CRIM1: variants seen among roughly 807,000 people sequenced by gnomAD.
CRIM1 encodes the protein cysteine-rich motor neuron 1 protein.
In CRIM1, 32 loss-of-function variants were observed where a neutral mutation model predicts 116.4. The observed-to-expected ratio is 0.27, with a 90% CI of 0.21 to 0.37. The LOEUF is 0.37. Among genes scored for constraint, CRIM1 ranks in the 10% least tolerant of loss-of-function variants. The probability of loss-of-function intolerance (pLI) is 1.00; values close to 1 mark genes in which losing one functional copy is unlikely to be tolerated. For missense variants in CRIM1, 1,331 were observed against 1,354.8 expected (o/e 0.98, Z 0.28); for synonymous variants, 590 against 509.2 (o/e 1.16, Z -2.13).
At chr2:36,476,386 C>G (rs1364732364) in intron 5 of CRIM1, among the ~76,000 whole-genome samples, 1 of 152,068 alleles carries the variant, frequency 6.6e-6, no homozygotes, top group Non-Finnish European at 1.5e-5. Context: ...AAAGGCCAAA[C>G]ACTATTAAAA....
chr2:36,539,626 C>T (rs1035574640), intron 14 of CRIM1, among the ~76,000 whole-genome samples: 2 of 151,766 alleles, frequency 1.3e-5, no homozygotes, highest in East Asian at 1.9e-4. Context: ...AGAATCCGGG[C>T]GAGAGATGAC....
At chr2:36,477,586 A>G (rs1441583564) in intron 6 of CRIM1, among the ~76,000 whole-genome samples, 1 of 152,186 alleles carries the variant, frequency 6.6e-6, no homozygotes, top group East Asian at 1.9e-4. Flanking sequence ...GGTGGTTCAC[A>G]TGGGGTCGTG....
chr2:36,455,894 A>T (rs1677096965), intron 4 of CRIM1, among the ~76,000 whole-genome samples: 1 of 152,138 alleles, frequency 6.6e-6, no homozygotes, highest in South Asian at 2.1e-4. Flanking sequence ...CTCTCTGGGG[A>T]TGTGCATTCC....
intron 1 of CRIM1, among the ~76,000 whole-genome samples, chr2:36,367,031 T>G (rs1045642449): frequency 1.3e-5 from 2 of 152,218 alleles, no homozygotes; most frequent in Admixed American, 6.5e-5. Flanking sequence ...CTTTTCTCAC[T>G]TCCCATATTT....
Position 36,537,561 on chromosome 2 carries a change from A to G in CRIM1, c.2623+15A>G. The G allele has an allele frequency of 6.3e-7, 1 of 1,582,648 alleles. No individual in the cohort carries two copies. Among genetic ancestry groups the G allele is most frequent in the East Asian group, 2.3e-5 (1 of 44,284 alleles). ...AATGTGTCCAGGTATCTAAGCCACC[A>G]TCCTTCCATTTGTCAAGCTGTAATG... On this transcript the variant is annotated intron_variant, in intron 14 of 16. Transcript: ENST00000280527.
At chr2:36,411,582 A>G (rs1406936346) in intron 2 of CRIM1, among the ~76,000 whole-genome samples, 1 of 152,204 alleles carries the variant, frequency 6.6e-6, no homozygotes, top group Admixed American at 6.5e-5. Context: ...ACATGTATAT[A>G]AGCACATATA....
chr2:36,521,730 G>C (rs1376649602), intron 12 of CRIM1, among the ~76,000 whole-genome samples: 1 of 152,150 alleles, frequency 6.6e-6, no homozygotes, highest in Non-Finnish European at 1.5e-5. Context: ...CTAGATGATG[G>C]GGCCACCCTA....
chr2:36,412,682 G>T (rs900797399), intron 2 of CRIM1, among the ~76,000 whole-genome samples: 1 of 151,952 alleles, frequency 6.6e-6, no homozygotes, highest in East Asian at 1.9e-4. Flanking sequence ...TGGCCCATTT[G>T]CTATATGTTA....
chr2:36,495,116 G>A (rs374176374), intron 7 of CRIM1, among the ~76,000 whole-genome samples: 12 of 152,200 alleles, frequency 7.9e-5, no homozygotes, highest in South Asian at 6.2e-4. Context: ...CATCAGTGCC[G>A]CCAGAAATCT....
chr2:36,522,627 C>A (rs745717506), intron 13 of CRIM1, among the ~76,000 whole-genome samples: 18 of 151,808 alleles, frequency 1.2e-4, no homozygotes, highest in Non-Finnish European at 2.5e-4. Context: ...CATGATGAAA[C>A]CCCGTCTCTA....
rs570453293 is a variant in CRIM1, at chr2:36,526,617, A to G, written c.2428+4304A>G. Among the ~76,000 whole-genome samples, 4 of 152,248 alleles carry G rather than the reference A, an allele frequency of 2.6e-5. No homozygotes were observed. In the South Asian group the frequency reaches 6.2e-4, roughly 24 times the overall value. ...CCTGTGGGGATACTCATATCCCCAT[A>G]TGAGCCCTGACCACATCAACCTTGC... On this transcript the variant is annotated intron_variant, in intron 13 of 16. Transcript: ENST00000280527.
chr2:36,459,083 T>C (rs940294), intron 4 of CRIM1, among the ~76,000 whole-genome samples: 38,216 of 152,134 alleles, frequency 0.25, 4,889 homozygotes, highest in East Asian at 0.36. Flanking sequence ...ACTTGTTTTT[T>C]GCTTTTTTGT....
chr2:36,388,117 T>G (rs953112163), intron 1 of CRIM1, among the ~76,000 whole-genome samples: 4 of 152,160 alleles, frequency 2.6e-5, no homozygotes, highest in African/African-American at 9.7e-5. Flanking sequence ...AATCTTTTTA[T>G]TATAGAAACT....
At chr2:36,512,505 C>A in intron 10 of CRIM1, 111 bp downstream of exon 10, 1 of 1,195,880 alleles carries the variant, frequency 8.4e-7, no homozygotes, top group Non-Finnish European at 1.2e-6. Context: ...CCTATTCTAA[C>A]ACAAATGTCA....
At chr2:36,491,382 C>G (rs1680214569) in intron 7 of CRIM1, among the ~76,000 whole-genome samples, 1 of 152,122 alleles carries the variant, frequency 6.6e-6, no homozygotes, top group African/African-American at 2.4e-5. Context: ...TTACAACAGC[C>G]TTAAGATCTG....
intron 2 of CRIM1, among the ~76,000 whole-genome samples, chr2:36,413,267 A>G (rs1313996440): frequency 6.6e-6 from 1 of 152,170 alleles, no homozygotes; most frequent in African/African-American, 2.4e-5. Context: ...AAAAACATCC[A>G]CTTACCACTT....
chr2:36,421,661 T>C (rs915736789), intron 2 of CRIM1, among the ~76,000 whole-genome samples: 3 of 152,200 alleles, frequency 2.0e-5, no homozygotes, highest in Non-Finnish European at 4.4e-5. Context: ...GTGGGGACTC[T>C]TTGAAACAAA....
chr2:36,425,380 T>G (rs1404328553), intron 2 of CRIM1, among the ~76,000 whole-genome samples: 1 of 152,228 alleles, frequency 6.6e-6, no homozygotes, highest in African/African-American at 2.4e-5. Context: ...ATGTTAAAAC[T>G]ATTTCACTAG....
intron 12 of CRIM1, among the ~76,000 whole-genome samples, chr2:36,520,958 T>C (rs932104338): frequency 2.4e-4 from 37 of 152,378 alleles, no homozygotes; most frequent in Non-Finnish European, 3.4e-4. Context: ...TGAGAAAATG[T>C]GGCCCTCTTA....
Sources: allele counts gnomAD v4.1 joint callset (sites outside exome capture counted in the v4.1 genomes callset), GRCh38; gene constraint gnomAD v4.1.1; transcripts MANE v1.5; gene names NCBI Gene and HGNC (gene_info 2026-07-23, HGNC 2026-07-21).